The following PAIP2B variants were observed in gnomAD, a reference collection of about 807,000 sequenced individuals.
PAIP2B encodes the protein polyadenylate-binding protein-interacting protein 2B.
PAIP2B carries 13 observed loss-of-function variants against 17.0 expected under a neutral mutation model. That is an observed-to-expected ratio of 0.76 (90% CI 0.50 to 1.22). The LOEUF is 1.22. PAIP2B is among the 50% of genes most tolerant of loss of function. PAIP2B has a pLI of 0.00. For missense variants in PAIP2B, 117 were observed against 144.5 expected (o/e 0.81, Z 0.98); for synonymous variants, 43 against 48.7 (o/e 0.88, Z 0.48).
At chr2:71,223,413 AAAACAAAC>A (rs959221003) in intron 1 of PAIP2B, among the ~76,000 whole-genome samples, 2 of 151,804 alleles carry the variant, frequency 1.3e-5, no homozygotes, top group African/African-American at 4.8e-5. Flanking sequence ...CTCCATCTCA[AAAACAAAC>A]AAACAAACAA....
At chr2:71,200,621 A>G (rs1172988746) in intron 2 of PAIP2B, among the ~76,000 whole-genome samples, 3 of 152,240 alleles carry the variant, frequency 2.0e-5, no homozygotes, top group East Asian at 3.9e-4. Context: ...GGATGGTGAC[A>G]CATGCCTGTA....
intron 1 of PAIP2B, among the ~76,000 whole-genome samples, chr2:71,209,048 C>G (rs959143492): frequency 1.3e-5 from 2 of 152,156 alleles, no homozygotes; most frequent in Non-Finnish European, 2.9e-5. Context: ...AGTAGGAATA[C>G]AGAAGGCTGC....
intron 1 of PAIP2B, among the ~76,000 whole-genome samples, chr2:71,209,081 A>G (rs1424447770): frequency 6.6e-6 from 1 of 152,182 alleles, no homozygotes; most frequent in Admixed American, 6.5e-5. Context: ...TAGGAAGAAG[A>G]CTGAGAAGTG....
intron 2 of PAIP2B, among the ~76,000 whole-genome samples, chr2:71,192,226 A>T (rs540242425): frequency 1.3e-5 from 2 of 150,186 alleles, no homozygotes; most frequent in Non-Finnish European, 3.0e-5. Flanking sequence ...CACACGTTTT[A>T]TTGCATTTTG....
intron 3 of PAIP2B, among the ~76,000 whole-genome samples, chr2:71,189,193 T>G (rs1674619168): frequency 6.6e-6 from 1 of 152,050 alleles, no homozygotes; most frequent in Non-Finnish European, 1.5e-5. Flanking sequence ...TTGTATTTTT[T>G]TAGTAGATAT....
rs183009739 is a variant in PAIP2B, at chr2:71,195,344, C to T, written c.139-5323G>A. Among the ~76,000 whole-genome samples the T allele has an allele frequency of 2.0e-3, 300 of 152,304 alleles. 2 individuals are homozygous for T. Among genetic ancestry groups the T allele is most frequent in the African/African-American group, 6.9e-3 (285 of 41,560 alleles). On this transcript the variant is annotated intron_variant, in intron 2 of 3. Coordinates refer to ENST00000244221, the MANE Select transcript of PAIP2B (RefSeq NM_020459.1). ...TGGTAGAATTTGGCTGTGAGTCCATCATGTCCTGGGCTTTTTTGGTTGGTA... is the reference window on the plus strand; with the variant it reads ...TGGTAGAATTTGGCTGTGAGTCCATTATGTCCTGGGCTTTTTTGGTTGGTA...
At chr2:71,217,785 C>T (rs768966914) in intron 1 of PAIP2B, among the ~76,000 whole-genome samples, 8 of 152,092 alleles carry the variant, frequency 5.3e-5, no homozygotes, top group Non-Finnish European at 8.8e-5. Context: ...AGTAAGCTCT[C>T]GGCTGGGAGC....
chr2:71,193,410 C>A (rs1336868271), intron 2 of PAIP2B, among the ~76,000 whole-genome samples: 1 of 152,168 alleles, frequency 6.6e-6, no homozygotes, highest in Admixed American at 6.6e-5. Context: ...TTGATAGTTT[C>A]TTTTGCTGTA....
rs1674499008 is a variant in PAIP2B, at chr2:71,185,011, T to TG, written c.*3467dup. 1 of 152,198 alleles carries TG rather than the reference T, an allele frequency of 6.6e-6. No homozygotes were observed. Among genetic ancestry groups the TG allele is most frequent in the Admixed American group, 6.5e-5 (1 of 15,272 alleles). 9.4% of individuals were successfully genotyped at this position (152,198 alleles called of 1,614,324 possible). ...GTTGGGTAGATTCCTGGGTTCCTGA[T>TG]GGTTCAGGAGCCTGGGCTGTCATTT... On this transcript the variant is annotated 3_prime_UTR_variant, in exon 4 of 4. Transcript: ENST00000244221.
intron 1 of PAIP2B, among the ~76,000 whole-genome samples, chr2:71,219,220 G>A (rs963211873): frequency 6.6e-5 from 10 of 151,454 alleles, no homozygotes; most frequent in South Asian, 2.1e-4. Context: ...GTGAGCCACC[G>A]CGCCCAGCCT....
rs1442083359 is a variant in PAIP2B at position 71,184,352 on chromosome 2, T to G, written c.*4127A>C. 6.6e-6 allele frequency: 1 copy of G among 152,132 alleles called. No individual in the cohort carries two copies. The highest frequency in any genetic ancestry group is 1.5e-5 in the Non-Finnish European group (1 of 68,030). The allele number at this position is 152,132 out of a possible 1,614,324, so 9.4% of individuals were successfully genotyped here. A position where few individuals can be genotyped will look rare whatever the true frequency, so the allele number is the denominator to read the frequency against. On this transcript the variant is annotated 3_prime_UTR_variant, in exon 4 of 4. Transcript: ENST00000244221. ...CTCCTGCCTGACACCTTGTAGAGATTAGTGTATCCAGCTATTCTATTGCCA... is the reference window on the plus strand; with the variant it reads ...CTCCTGCCTGACACCTTGTAGAGATGAGTGTATCCAGCTATTCTATTGCCA...
intron 2 of PAIP2B, among the ~76,000 whole-genome samples, chr2:71,197,754 T>C (rs1189034248): frequency 2.0e-5 from 3 of 152,216 alleles, no homozygotes; most frequent in African/African-American, 7.2e-5. Context: ...ACATCTTACA[T>C]GGATGGCGGC....
At chr2:71,210,732 G>A (rs1675273522) in intron 1 of PAIP2B, among the ~76,000 whole-genome samples, 1 of 152,184 alleles carries the variant, frequency 6.6e-6, no homozygotes, top group South Asian at 2.1e-4. Flanking sequence ...GCTGCCAAAT[G>A]AGAAAGACAA....
chr2:71,218,752 G>A (rs538095138), intron 1 of PAIP2B, among the ~76,000 whole-genome samples: 56 of 152,100 alleles, frequency 3.7e-4, no homozygotes, highest in Middle Eastern at 3.4e-3. Context: ...TAAAAATGAT[G>A]ATGCCAGGAT....
At chr2:71,211,685 T>C (rs1465544537) in intron 1 of PAIP2B, among the ~76,000 whole-genome samples, 2 of 152,210 alleles carry the variant, frequency 1.3e-5, no homozygotes, top group Middle Eastern at 3.4e-3. Flanking sequence ...CCCAAATTTA[T>C]GTATTAATTT....
intron 1 of PAIP2B, among the ~76,000 whole-genome samples, chr2:71,223,847 TAAAGAA>T (rs1558785138): frequency 6.6e-6 from 1 of 152,210 alleles, no homozygotes; most frequent in Non-Finnish European, 1.5e-5. Context: ...TCAAATAAGC[TAAAGAA>T]ATAGTCCACA....
Position 71,190,031 on chromosome 2 carries a change from A to G in PAIP2B, c.139-10T>C. On this transcript the variant is annotated splice_polypyrimidine_tract_variant and intron_variant, in intron 2 of 3. Transcript: ENST00000244221. The stretch of plus-strand genomic sequence containing the variant: ...GCAGTTCCTCCTCCACCTAGCAAGC[A>G]AAGGGGAGCAGCTCAGACTTACTGT... 2 of 1,606,582 alleles carry G rather than the reference A, an allele frequency of 1.2e-6. No homozygotes were observed. Among genetic ancestry groups the G allele is most frequent in the East Asian group, 2.2e-5 (1 of 44,756 alleles).
intron 2 of PAIP2B, among the ~76,000 whole-genome samples, chr2:71,196,961 T>C (rs1674837759): frequency 6.6e-6 from 1 of 152,188 alleles, no homozygotes; most frequent in Non-Finnish European, 1.5e-5. Flanking sequence ...TCTTGCTTTT[T>C]TACCCAGCTT....
rs923738541 is a variant in PAIP2B, at chr2:71,183,767, A to G, written c.*4712T>C. The G allele has an allele frequency of 1.3e-5, 2 of 152,230 alleles. No homozygotes were observed. The highest frequency in any genetic ancestry group is 4.8e-5 in the African/African-American group (2 of 41,460). The allele number at this position is 152,230 out of a possible 1,614,324, so 9.4% of individuals were successfully genotyped here. On this transcript the variant is annotated 3_prime_UTR_variant, in exon 4 of 4. Coordinates refer to ENST00000244221, the MANE Select transcript of PAIP2B (RefSeq NM_020459.1). ...AAGTAGATTAGTGGTTGCCGGGGGT[A>G]AGAACAGGATTAACTGTAAAAGAGC... is the stretch of plus-strand genomic sequence containing the variant.
Sources: gnomAD v4.1 joint callset for allele counts (sites outside exome capture counted in the v4.1 genomes callset) on GRCh38, gnomAD v4.1.1 for gene constraint, MANE v1.5 for transcripts, NCBI Gene and HGNC (gene_info 2026-07-23, HGNC 2026-07-21) for gene names.